The following NSD3 variants were observed in gnomAD, a reference collection of about 807,000 sequenced individuals.
NSD3 encodes the protein histone-lysine N-methyltransferase NSD3.
A neutral mutation model predicts 160.8 loss-of-function variants in NSD3; 24 were observed. The ratio of observed to expected loss-of-function variants is 0.15; its 90% CI spans 0.11 to 0.21. NSD3 has a LOEUF of 0.21. NSD3 is among the 10% of genes least tolerant of loss of function. The pLI is 1.00. For missense variants in NSD3, 1,157 were observed against 1,735.9 expected (o/e 0.67, Z 5.93); for synonymous variants, 520 against 600.0 (o/e 0.87, Z 1.95).
intron 19 of NSD3, among the ~76,000 whole-genome samples, chr8:38,287,104 C>G (rs1808878933): frequency 6.6e-6 from 1 of 152,180 alleles, no homozygotes; most frequent in African/African-American, 2.4e-5. Context: ...CAGCTTAATA[C>G]ACATGTACCG....
intron 16 of NSD3, among the ~76,000 whole-genome samples, chr8:38,295,137 C>T (rs1248159686): frequency 2.1e-5 from 3 of 141,848 alleles, no homozygotes; most frequent in Non-Finnish European, 4.6e-5. Context: ...AAGCAACACT[C>T]CGTCTCAAAA....
intron 12 of NSD3, among the ~76,000 whole-genome samples, chr8:38,306,071 G>A (rs191357642): frequency 5.2e-4 from 79 of 152,110 alleles, no homozygotes; most frequent in Non-Finnish European, 2.5e-4. Flanking sequence ...GAAAATATTC[G>A]TCAAGAATGA....
At chr8:38,346,387 A>G (rs977417544) in intron 2 of NSD3, among the ~76,000 whole-genome samples, 2 of 147,778 alleles carry the variant, frequency 1.4e-5, no homozygotes, top group Non-Finnish European at 3.0e-5. Context: ...ATGTATATAT[A>G]AATATATATT....
rs1811601290 is a variant in NSD3 at position 38,382,171 on chromosome 8, C to T, written c.-417G>A. On this transcript the variant is annotated 5_prime_UTR_variant, in exon 1 of 24. Transcript: ENST00000317025. This position sits in a 1 kb window ranked among gnomAD's most constrained non-coding sequence, Gnocchi z 4.2. ...GGTCCTCGGCGCTCGGCTCGGAATT[C>T]GCACGCCTCTCCGCGGCGACCTGTG... is the stretch of plus-strand genomic sequence containing the variant. The T allele has an allele frequency of 6.5e-6, 1 of 153,442 alleles. No homozygotes were observed. Among genetic ancestry groups the T allele is most frequent in the African/African-American group, 2.4e-5 (1 of 41,414 alleles). 9.5% of individuals were successfully genotyped at this position (153,442 alleles called of 1,614,324 possible).
intron 14 of NSD3, among the ~76,000 whole-genome samples, chr8:38,300,006 C>G (rs888569927): frequency 1.3e-5 from 2 of 151,890 alleles, no homozygotes; most frequent in Admixed American, 1.3e-4. Flanking sequence ...AGACCCTGAT[C>G]TACCTTCAAT....
chr8:38,372,411 G>T (rs1032476205), intron 1 of NSD3, among the ~76,000 whole-genome samples: 1 of 151,556 alleles, frequency 6.6e-6, no homozygotes, highest in East Asian at 1.9e-4. Context: ...ATTGTTCAGA[G>T]ACCCCTTCTG....
intron 4 of NSD3, among the ~76,000 whole-genome samples, chr8:38,335,279 T>A (rs1810189051): frequency 6.6e-6 from 1 of 152,172 alleles, no homozygotes; most frequent in Admixed American, 6.5e-5. Context: ...TGAGGCACCT[T>A]GCCCAGCTGA....
chr8:38,276,439 C>T lies in NSD3; in HGVS notation c.3929G>A (p.Arg1310Gln), dbSNP rs758159008. 3 of 1,614,172 alleles carry T rather than the reference C, an allele frequency of 1.9e-6. No individual in the cohort carries two copies. Among genetic ancestry groups the T allele is most frequent in the South Asian group, 1.1e-5 (1 of 91,088 alleles). ...AKNAKLKQKR[R>Q]KIKTEPKQMH... ...CTGCTTTGGTTCTGTTTTGATCTTT[C>T]GTCTCTTCTGTTTTAACTTAGCATT... The change falls in exon 23 of 24, where the codon CGA becomes CAA. Residue 1310 changes from arginine (R) to glutamine (Q), a missense_variant. Around this residue, in one of 10 missense-constraint regions of NSD3, gnomAD observed 222 missense variants for 409.9 expected, o/e 0.54. Transcript: ENST00000317025.
intron 1 of NSD3, among the ~76,000 whole-genome samples, chr8:38,376,049 T>A (rs1239091728): frequency 6.6e-6 from 1 of 152,196 alleles, no homozygotes; most frequent in African/African-American, 2.4e-5. Context: ...TAACTTGTTT[T>A]CAAATAGGGA....
intron 1 of NSD3, among the ~76,000 whole-genome samples, chr8:38,378,269 GC>G: frequency 6.6e-6 from 1 of 152,246 alleles, no homozygotes; most frequent in East Asian, 1.9e-4. Flanking sequence ...ACTTTGGGAG[GC>G]CAAGGTGGGC....
intron 15 of NSD3, among the ~76,000 whole-genome samples, chr8:38,297,675 C>T (rs1281876738): frequency 2.0e-5 from 3 of 152,164 alleles, no homozygotes. Context: ...AAAGCTTTTA[C>T]TTCAATCATC....
chr8:38,283,639 C>T (rs1808783521), intron 19 of NSD3, among the ~76,000 whole-genome samples: 1 of 152,160 alleles, frequency 6.6e-6, no homozygotes, highest in Non-Finnish European at 1.5e-5. Context: ...GGGCCCTAAC[C>T]TCCCTGCCTC....
intron 1 of NSD3, among the ~76,000 whole-genome samples, chr8:38,372,930 A>G (rs544370335): frequency 7.2e-6 from 1 of 138,582 alleles, no homozygotes; most frequent in South Asian, 2.2e-4. Context: ...GGGCACCTGT[A>G]GTCGAGCTAC....
Position 38,316,824 on chromosome 8 carries a change from T to G in NSD3, c.1856-782A>C. 1 of 1,061,888 alleles carries G rather than the reference T, an allele frequency of 9.4e-7. No homozygotes were observed. The highest frequency in any genetic ancestry group is 1.1e-6 in the Non-Finnish European group (1 of 876,950). The allele number at this position is 1,061,888 out of a possible 1,614,324, so 65.8% of individuals were successfully genotyped here. On this transcript the variant is annotated intron_variant, in intron 9 of 23. Coordinates refer to ENST00000317025, the MANE Select transcript of NSD3 (RefSeq NM_023034.2). The surrounding 1 kb of genome is among the most constrained non-coding windows in gnomAD (Gnocchi z 4.5). ...AGTGTGGAATTGTTTTTTTTAAAACTGTGTGTAATACAAATCCAGCCAAAA... is the reference window on the plus strand; with the variant it reads ...AGTGTGGAATTGTTTTTTTTAAAACGGTGTGTAATACAAATCCAGCCAAAA...
intron 2 of NSD3, 106 bp from the exon 3 acceptor site, chr8:38,338,713 A>G: frequency 1.1e-6 from 1 of 884,408 alleles, no homozygotes; most frequent in Non-Finnish European, 1.9e-6. Flanking sequence ...AAATAAAGAG[A>G]ATAAAGGGCA....
In NSD3 at chr8:38,270,804, T is replaced by C. The variant is rs1808440091; in HGVS notation, c.*4837A>G. The C allele has an allele frequency of 6.6e-6, 1 of 152,252 alleles. No homozygotes were observed. The highest frequency in any genetic ancestry group is 1.5e-5 in the Non-Finnish European group (1 of 68,048). The allele number at this position is 152,252 out of a possible 1,614,324, so 9.4% of individuals were successfully genotyped here. A position where few individuals can be genotyped will look rare whatever the true frequency, so the allele number is the denominator to read the frequency against. On this transcript the variant is annotated 3_prime_UTR_variant, in exon 24 of 24. Coordinates refer to ENST00000317025, the MANE Select transcript of NSD3 (RefSeq NM_023034.2). ...TCTATTTTCCCTTTTTACTTACATG[T>C]AAATTACTTTTACAGCCTACTGAAG...
chr8:38,316,800 G>T lies in NSD3; in HGVS notation c.1856-758C>A. On this transcript the variant is annotated intron_variant, in intron 9 of 23. Transcript: ENST00000317025. This position sits in a 1 kb window ranked among gnomAD's most constrained non-coding sequence, Gnocchi z 4.5. ...AATAGGAAAAAAAAGGCAGAGAATA[G>T]TGTGGAATTGTTTTTTTTAAAACTG... 1 of 1,060,914 alleles carries T rather than the reference G, an allele frequency of 9.4e-7. No individual in the cohort carries two copies. The allele number at this position is 1,060,914 out of a possible 1,614,324, so 65.7% of individuals were successfully genotyped here. A position where few individuals can be genotyped will look rare whatever the true frequency, so the allele number is the denominator to read the frequency against.
At chr8:38,359,560 C>A (rs1810907715) in intron 1 of NSD3, among the ~76,000 whole-genome samples, 4 of 152,148 alleles carry the variant, frequency 2.6e-5, no homozygotes, top group Admixed American at 2.6e-4. Context: ...AAGAACTTGA[C>A]CACGCCCCTA....
At chr8:38,338,500 A>G in intron 3 of NSD3, 36 bp downstream of exon 3, 2 of 1,530,878 alleles carry the variant, frequency 1.3e-6, no homozygotes, top group East Asian at 2.2e-5. Flanking sequence ...TTCTTCCACC[A>G]TATTTGGTTA....
Sources: allele counts gnomAD v4.1 joint callset (sites outside exome capture counted in the v4.1 genomes callset), GRCh38; gene constraint gnomAD v4.1.1; regional missense constraint gnomAD v4.1.1; non-coding constraint Gnocchi (gnomAD v3.1); transcripts MANE v1.5; gene names NCBI Gene and HGNC (gene_info 2026-07-23, HGNC 2026-07-21).